Variants in STAT1 observed in about 807,000 individuals in gnomAD.
STAT1 encodes signal transducer and activator of transcription 1.
In STAT1, 24 loss-of-function variants were observed where a neutral mutation model predicts 111.7. That is an observed-to-expected ratio of 0.21 (90% CI 0.16 to 0.30). The LOEUF (loss-of-function observed/expected upper bound fraction) is 0.30. Ranked by LOEUF, STAT1 falls within the 10% of genes least tolerant of loss-of-function variation. The probability of loss-of-function intolerance (pLI) is 1.00; values close to 1 mark genes in which losing one functional copy is unlikely to be tolerated. For synonymous variants in STAT1, 332 were observed against 326.5 expected, an observed-to-expected ratio of 1.02 and a Z score of -0.18; for missense variants, 351 against 911.9, an observed-to-expected ratio of 0.38 and a Z score of 7.92.
intron 2 of STAT1, among the ~76,000 whole-genome samples, chr2:191,010,827 T>G (rs578005442): frequency 6.6e-6 from 1 of 152,370 alleles, no homozygotes; most frequent in Non-Finnish European, 1.5e-5. Context: ...GCTTTTTGGA[T>G]AACTGTTAAG....
rs1161540251 is a variant in STAT1 at position 190,998,924 on chromosome 2, TAGTTGA to T, written c.542-622_542-617del. Reference sequence around the variant, plus strand: ...AGAGAAGTAGATGAGTAGGAAGTGGTAGTTGAAGTTGCTGTCTCTTATACTTTCTAC... The same window carrying T: ...AGAGAAGTAGATGAGTAGGAAGTGGTAGTTGCTGTCTCTTATACTTTCTAC... On this transcript the variant is annotated intron_variant, in intron 7 of 24. Coordinates refer to ENST00000361099, the MANE Select transcript of STAT1 (RefSeq NM_007315.4). This position sits in a 1 kb window ranked among gnomAD's most constrained non-coding sequence, Gnocchi z 4.1. Among the ~76,000 whole-genome samples the T allele has an allele frequency of 6.6e-6, 1 of 152,022 alleles. No homozygotes were observed. Among genetic ancestry groups the T allele is most frequent in the Non-Finnish European group, 1.5e-5 (1 of 68,006 alleles).
In STAT1 at chr2:190,979,726, C is replaced by T. The variant is rs1559007425; in HGVS notation, c.1727+46G>A. ...GGACTCAGGCCTTGTCTCAACCTCG[C>T]AGCACTAAAAATATGTTTCAAAATA... On this transcript the variant is annotated intron_variant, in intron 20 of 24. Transcript: ENST00000361099. This position sits in a 1 kb window ranked among gnomAD's most constrained non-coding sequence, Gnocchi z 5.8. The T allele has an allele frequency of 1.4e-6, 2 of 1,477,128 alleles. No homozygotes were observed. The highest frequency in any genetic ancestry group is 1.9e-6 in the Non-Finnish European group (2 of 1,055,144). 91.5% of individuals were successfully genotyped at this position (1,477,128 alleles called of 1,614,324 possible). A position where few individuals can be genotyped will look rare whatever the true frequency, so the allele number is the denominator to read the frequency against.
Position 190,991,417 on chromosome 2 carries a change from T to C in STAT1, c.945-97A>G. 3.7e-6 allele frequency: 4 copies of C among 1,092,434 alleles called. No homozygotes were observed. In the South Asian group the frequency reaches 3.9e-5, roughly 11 times the overall value. The allele number at this position is 1,092,434 out of a possible 1,614,324, so 67.7% of individuals were successfully genotyped here. On this transcript the variant is annotated intron_variant, in intron 10 of 24. Transcript: ENST00000361099. The stretch of plus-strand genomic sequence containing the variant: ...TGAAAGAAAAAAGGGGGTTAGAGAG[T>C]ACGATCTAAAAAATCATTTGAAAGA...
rs1413385669 is a variant in STAT1 at position 190,971,035 on chromosome 2, T to G, written c.2239-318A>C. ...CAGAGCAACGTGTCAAATCTGCTCA[T>G]GTGAAACGGGTGAGGAAATGCTGAG... On this transcript the variant is annotated intron_variant, in intron 24 of 24. Coordinates refer to ENST00000361099, the MANE Select transcript of STAT1 (RefSeq NM_007315.4). This position sits in a 1 kb window ranked among gnomAD's most constrained non-coding sequence, Gnocchi z 4.1. 6.6e-6 allele frequency among the ~76,000 whole-genome samples: 1 copy of G among 152,288 alleles called. No homozygotes were observed. The highest frequency in any genetic ancestry group is 2.4e-5 in the African/African-American group (1 of 41,552).
In STAT1 at chr2:190,990,681, C is replaced by A. The variant is rs538503216; in HGVS notation, c.1037+547G>T. 6.6e-6 allele frequency among the ~76,000 whole-genome samples: 1 copy of A among 152,040 alleles called. No homozygotes were observed. Among genetic ancestry groups the A allele is most frequent in the Non-Finnish European group, 1.5e-5 (1 of 68,016 alleles). On this transcript the variant is annotated intron_variant, in intron 11 of 24. Transcript: ENST00000361099. This position sits in a 1 kb window ranked among gnomAD's most constrained non-coding sequence, Gnocchi z 5.1. ...AAGGAAACATTATGTCATGTTTGTG[C>A]GTGTGTGTTTCCGTATGAAATATAT...
chr2:191,013,748 G>A (rs972832123), intron 1 of STAT1, 70 bp from the exon 2 acceptor site: 9 of 398,506 alleles, frequency 2.3e-5, no homozygotes, highest in Admixed American at 1.3e-4. Flanking sequence ...AAATGGGAAG[G>A]TGCAGTGCCT....
chr2:190,987,015 T>TA lies in STAT1; in HGVS notation c.1127+23dup, dbSNP rs1428271041. On this transcript the variant is annotated intron_variant, in intron 13 of 24. Coordinates refer to ENST00000361099, the MANE Select transcript of STAT1 (RefSeq NM_007315.4). The surrounding 1 kb of genome is among the most constrained non-coding windows in gnomAD (Gnocchi z 4.0). ...TTAAATAAATAAAAATATAGCACAG[T>TA]ATAGCGTAAAGTACGTCACGTACCC... 6 of 1,611,252 alleles carry TA rather than the reference T, an allele frequency of 3.7e-6. No individual in the cohort carries two copies. Among genetic ancestry groups the TA allele is most frequent in the Non-Finnish European group, 5.1e-6 (6 of 1,177,468 alleles).
chr2:190,994,580 G>A (rs1341395523), intron 10 of STAT1, among the ~76,000 whole-genome samples: 1 of 152,138 alleles, frequency 6.6e-6, no homozygotes, highest in Non-Finnish European at 1.5e-5. Context: ...CCACAAGAGT[G>A]AAGAACCACT....
At position 190,983,825 on chromosome 2, in the gene STAT1, G is replaced by GT. The variant is rs1465379532; in HGVS notation, c.1348-86_1348-85insA. ...CTGCTTAGCCTCAACTAAAAGCAGG[G>GT]GATTATTTGTAAATTTGTACATATT... is the stretch of plus-strand genomic sequence containing the variant. On this transcript the variant is annotated intron_variant, in intron 16 of 24. Transcript: ENST00000361099. The surrounding 1 kb of genome is among the most constrained non-coding windows in gnomAD (Gnocchi z 5.7). 3.2e-5 allele frequency: 36 copies of GT among 1,122,648 alleles called. No individual in the cohort carries two copies. The highest frequency in any genetic ancestry group is 4.5e-5 in the Non-Finnish European group (33 of 738,044). 69.5% of individuals were successfully genotyped at this position (1,122,648 alleles called of 1,614,324 possible).
chr2:190,974,655 A>C lies in STAT1; in HGVS notation c.2238+175T>G, dbSNP rs1313959455. Among the ~76,000 whole-genome samples, 1 of 152,214 alleles carries C rather than the reference A, an allele frequency of 6.6e-6. No individual in the cohort carries two copies. Among genetic ancestry groups the C allele is most frequent in the Non-Finnish European group, 1.5e-5 (1 of 68,024 alleles). On this transcript the variant is annotated intron_variant, in intron 24 of 24. Transcript: ENST00000361099. This position sits in a 1 kb window ranked among gnomAD's most constrained non-coding sequence, Gnocchi z 4.8. ...GGAATAAAAATCCCACTGATGATGT[A>C]GGTGGTTTAAATCCAGCAGCTCCAA... is the stretch of plus-strand genomic sequence containing the variant.
intron 5 of STAT1, 88 bp from the exon 6 acceptor site, chr2:191,001,251 C>T (rs1694247565): frequency 1.0e-6 from 1 of 974,588 alleles, no homozygotes; most frequent in African/African-American, 1.6e-5. Flanking sequence ...CCCCACTTGC[C>T]TTCCAGATCT....
At position 190,995,646 on chromosome 2, in the gene STAT1, T is replaced by A. The variant is rs1245904113; in HGVS notation, c.786-427A>T. On this transcript the variant is annotated intron_variant, in intron 9 of 24. Coordinates refer to ENST00000361099, the MANE Select transcript of STAT1 (RefSeq NM_007315.4). The surrounding 1 kb of genome is among the most constrained non-coding windows in gnomAD (Gnocchi z 4.2). ...TGGGTGGGGACACGGCCAAACCATATGGCATGGAAACCAACAAGTGGTTAT... is the reference window on the plus strand; with the variant it reads ...TGGGTGGGGACACGGCCAAACCATAAGGCATGGAAACCAACAAGTGGTTAT... Among the ~76,000 whole-genome samples, 1 of 152,146 alleles carries A rather than the reference T, an allele frequency of 6.6e-6. No homozygotes were observed. The highest frequency in any genetic ancestry group is 1.5e-5 in the Non-Finnish European group (1 of 68,026).
In STAT1 at chr2:190,999,495, G is replaced by A. The variant is rs1331759229; in HGVS notation, c.541+131C>T. ...TAATATTGGATGTTGAGAAGCCCTGGCCTGGGTTATCAAGGAAGAATTCAG... is the reference window on the plus strand; with the variant it reads ...TAATATTGGATGTTGAGAAGCCCTGACCTGGGTTATCAAGGAAGAATTCAG... On this transcript the variant is annotated intron_variant, in intron 7 of 24. Transcript: ENST00000361099. The surrounding 1 kb of genome is among the most constrained non-coding windows in gnomAD (Gnocchi z 4.1). The A allele has an allele frequency of 1.4e-6, 1 of 729,026 alleles. No individual in the cohort carries two copies. Among genetic ancestry groups the A allele is most frequent in the Non-Finnish European group, 2.5e-6 (1 of 403,080 alleles). 45.2% of individuals were successfully genotyped at this position (729,026 alleles called of 1,614,324 possible).
rs931202206 is a variant in STAT1 at position 190,982,876 on chromosome 2, A to C, written c.1447-358T>G. Among the ~76,000 whole-genome samples, 1 of 152,146 alleles carries C rather than the reference A, an allele frequency of 6.6e-6. No homozygotes were observed. The highest frequency in any genetic ancestry group is 1.5e-5 in the Non-Finnish European group (1 of 68,026). ...ACACTCGCTTCCTGTTTCACCTCTC[A>C]TAAGAAAAACGTGTCCTTTTTGAAG... On this transcript the variant is annotated intron_variant, in intron 17 of 24. Transcript: ENST00000361099. This position sits in a 1 kb window ranked among gnomAD's most constrained non-coding sequence, Gnocchi z 7.3.
chr2:190,980,726 T>C lies in STAT1; in HGVS notation c.1583-57A>G. ...ACAGAAACTGATTCTAAAGCTTTGG[T>C]TGGACGGATGGCTCTTGTATTTGCT... is the stretch of plus-strand genomic sequence containing the variant. On this transcript the variant is annotated intron_variant, in intron 18 of 24. Coordinates refer to ENST00000361099, the MANE Select transcript of STAT1 (RefSeq NM_007315.4). This position sits in a 1 kb window ranked among gnomAD's most constrained non-coding sequence, Gnocchi z 6.1. 8 of 1,548,092 alleles carry C rather than the reference T, an allele frequency of 5.2e-6. No homozygotes were observed. Among genetic ancestry groups the C allele is most frequent in the Non-Finnish European group, 7.1e-6 (8 of 1,120,644 alleles).
Position 190,998,195 on chromosome 2 carries a change from A to G in STAT1, c.633+22T>C, listed in dbSNP as rs771764717. The stretch of plus-strand genomic sequence containing the variant: ...CAGTGTATAACAAAAGTGGCATGCT[A>G]TTCTGGAAAGTAAATAACTACCTTT... On this transcript the variant is annotated intron_variant, in intron 8 of 24. Coordinates refer to ENST00000361099, the MANE Select transcript of STAT1 (RefSeq NM_007315.4). This position sits in a 1 kb window ranked among gnomAD's most constrained non-coding sequence, Gnocchi z 4.1. 1 of 1,602,200 alleles carries G rather than the reference A, an allele frequency of 6.2e-7. No individual in the cohort carries two copies. The highest frequency in any genetic ancestry group is 1.7e-5 in the Admixed American group (1 of 60,022).
At position 190,970,796 on chromosome 2, in the gene STAT1, C is replaced by A; in HGVS notation, c.2239-79G>T. 2 of 1,382,696 alleles carry A rather than the reference C, an allele frequency of 1.4e-6. No individual in the cohort carries two copies. Among genetic ancestry groups the A allele is most frequent in the South Asian group, 1.2e-5 (1 of 85,912 alleles). 85.7% of individuals were successfully genotyped at this position (1,382,696 alleles called of 1,614,324 possible). A position where few individuals can be genotyped will look rare whatever the true frequency, so the allele number is the denominator to read the frequency against. On this transcript the variant is annotated intron_variant, in intron 24 of 24. Coordinates refer to ENST00000361099, the MANE Select transcript of STAT1 (RefSeq NM_007315.4). This position sits in a 1 kb window ranked among gnomAD's most constrained non-coding sequence, Gnocchi z 5.4. ...GACTCATACATTAAACATTGCTTGT[C>A]TATTCTAGAATGAAGTAGTAGGAAG...
Position 190,982,348 on chromosome 2 carries a change from AT to A in STAT1, c.1582+34del, listed in dbSNP as rs1692455475. The A allele has an allele frequency of 1.9e-6, 3 of 1,612,676 alleles. No individual in the cohort carries two copies. The highest frequency in any genetic ancestry group is 2.5e-6 in the Non-Finnish European group (3 of 1,178,950). On this transcript the variant is annotated intron_variant, in intron 18 of 24. Transcript: ENST00000361099. The surrounding 1 kb of genome is among the most constrained non-coding windows in gnomAD (Gnocchi z 7.3). ...TAGAGAGATATTTTTATGAATTTCA[AT>A]TTTTATAAACATAACAAGTTAATAT...
chr2:190,995,342 G>C lies in STAT1; in HGVS notation c.786-123C>G, dbSNP rs1693768407. 3 of 1,023,894 alleles carry C rather than the reference G, an allele frequency of 2.9e-6. No individual in the cohort carries two copies. Among genetic ancestry groups the C allele is most frequent in the Non-Finnish European group, 4.5e-6 (3 of 663,750 alleles). 63.4% of individuals were successfully genotyped at this position (1,023,894 alleles called of 1,614,324 possible). ...TAATAAAGACATACTCGAGACTGGA[G>C]AATTTATAAAGGAAAGAGGTTTAAT... On this transcript the variant is annotated intron_variant, in intron 9 of 24. Coordinates refer to ENST00000361099, the MANE Select transcript of STAT1 (RefSeq NM_007315.4). This position sits in a 1 kb window ranked among gnomAD's most constrained non-coding sequence, Gnocchi z 4.2.
Sources: gnomAD v4.1 joint callset for allele counts (sites outside exome capture counted in the v4.1 genomes callset) on GRCh38, gnomAD v4.1.1 for gene constraint, Gnocchi (gnomAD v3.1) non-coding constraint, MANE v1.5 for transcripts, NCBI Gene and HGNC (gene_info 2026-07-23, HGNC 2026-07-21) for gene names.